The following C2CD2 variants were observed in gnomAD, a reference collection of about 807,000 sequenced individuals.
C2CD2 encodes C2 calcium dependent domain containing 2, also known as C2 domain-containing protein 2.
A neutral mutation model predicts 74.3 loss-of-function variants in C2CD2; 43 were observed. The observed-to-expected ratio is 0.58, with a 90% CI of 0.45 to 0.75. C2CD2 has a LOEUF of 0.75. Ranked by LOEUF, C2CD2 falls within the 30% of genes least tolerant of loss-of-function variation. C2CD2 has a pLI of 0.00. For synonymous variants in C2CD2, 422 were observed against 390.7 expected, an observed-to-expected ratio of 1.08 and a Z score of -0.94; for missense variants, 801 against 916.3, an observed-to-expected ratio of 0.87 and a Z score of 1.63.
intron 12 of C2CD2, chr21:41,900,938 A>G (rs963577920): frequency 2.0e-5 from 3 of 152,418 alleles, no homozygotes; most frequent in Non-Finnish European, 2.9e-5. Flanking sequence ...CTCTACCAAA[A>G]ATACAAAAAT....
At chr21:41,937,961 C>T (rs1355468262) in intron 2 of C2CD2, among the ~76,000 whole-genome samples, 3 of 152,040 alleles carry the variant, frequency 2.0e-5, no homozygotes, top group East Asian at 1.9e-4. Flanking sequence ...GAGTTGGGGA[C>T]GTCGGGGAGG....
At chr21:41,906,927 G>A in intron 10 of C2CD2, 65 bp downstream of exon 10, 1 of 1,300,472 alleles carries the variant, frequency 7.7e-7, no homozygotes, top group South Asian at 1.3e-5. Flanking sequence ...TGCAGTTGTG[G>A]GGGCAAGGTG....
At position 41,926,463 on chromosome 21, in the gene C2CD2, AG is replaced by A. The variant is rs1272391203; in HGVS notation, c.379-4379del. 8.6e-6 allele frequency: 8 copies of A among 925,532 alleles called. No homozygotes were observed. The highest frequency in any genetic ancestry group is 3.6e-5 in the African/African-American group (2 of 55,802). 57.3% of individuals were successfully genotyped at this position (925,532 alleles called of 1,614,324 possible). On this transcript the variant is annotated intron_variant, in intron 2 of 13. Coordinates refer to ENST00000380486, the MANE Select transcript of C2CD2 (RefSeq NM_015500.2). The surrounding 1 kb of genome is among the most constrained non-coding windows in gnomAD (Gnocchi z 8.0). ...GGCAGCAGATGGAAGCACCACGGGGAGGGGAAAACAAGACTGAAGGCTGAAG... is the reference window on the plus strand; with the variant it reads ...GGCAGCAGATGGAAGCACCACGGGGAGGGAAAACAAGACTGAAGGCTGAAG...
chr21:41,949,526 A>G (rs2065432667), intron 1 of C2CD2, among the ~76,000 whole-genome samples: 1 of 152,190 alleles, frequency 6.6e-6, no homozygotes, highest in South Asian at 2.1e-4. Context: ...GAGGAACTCT[A>G]TTTACACTGT....
intron 12 of C2CD2, chr21:41,901,255 G>A (rs137916427): frequency 5.8e-5 from 19 of 328,302 alleles, no homozygotes; most frequent in Non-Finnish European, 1.0e-4. Context: ...CTTTGGAAAC[G>A]TGTCACGTGG....
At chr21:41,901,811 C>G in intron 11 of C2CD2, 62 bp from the exon 12 acceptor site, 1 of 1,450,548 alleles carries the variant, frequency 6.9e-7, no homozygotes, top group South Asian at 1.1e-5. Context: ...ATGGGAACTT[C>G]CAGGGATAAT....
chr21:41,910,036 G>A (rs1025875942), intron 7 of C2CD2, among the ~76,000 whole-genome samples: 4 of 148,000 alleles, frequency 2.7e-5, no homozygotes, highest in Admixed American at 6.8e-5. Flanking sequence ...GTCTTGCTAC[G>A]TTGCCCAGGC....
Position 41,912,385 on chromosome 21 carries a change from G to A in C2CD2, c.900C>T (p.Ser300=). 2.5e-6 allele frequency: 4 copies of A among 1,612,776 alleles called. No homozygotes were observed. The highest frequency in any genetic ancestry group is 8.5e-7 in the Non-Finnish European group (1 of 1,179,806). Residue 300 remains serine (S), a synonymous_variant, in exon 7 of 14, where the codon TCC becomes TCT. Coordinates refer to ENST00000380486, the MANE Select transcript of C2CD2 (RefSeq NM_015500.2). ...CCGGAGTGTTTTTCGTCAGGGTGCT[G>A]GAGAACCTCTGAACAGGATCGTTCA... ...VQLNDPVQRF[S]STLTKNTPDL...
At chr21:41,951,688 A>G (rs1400937581) in intron 1 of C2CD2, among the ~76,000 whole-genome samples, 2 of 152,180 alleles carry the variant, frequency 1.3e-5, no homozygotes, top group African/African-American at 4.8e-5. Context: ...TCTCAGATTG[A>G]CTTGACCAGC....
At chr21:41,952,344 C>G (rs532338853) in intron 1 of C2CD2, among the ~76,000 whole-genome samples, 187 of 152,312 alleles carry the variant, frequency 1.2e-3, no homozygotes, top group African/African-American at 4.5e-3. Context: ...GCACAAGGAC[C>G]AGGCACAGGG....
rs2146210409 is a variant in C2CD2 at position 41,929,071 on chromosome 21, G to C, written c.379-6986C>G. ...TTAAAATGAGCCTGGGCAATATAGTGAGATCCCACCTCTAAAAAATATTTA... is the reference window on the plus strand; with the variant it reads ...TTAAAATGAGCCTGGGCAATATAGTCAGATCCCACCTCTAAAAAATATTTA... On this transcript the variant is annotated intron_variant, in intron 2 of 13. Transcript: ENST00000380486. This position sits in a 1 kb window ranked among gnomAD's most constrained non-coding sequence, Gnocchi z 4.6. Among the ~76,000 whole-genome samples, 1 of 151,106 alleles carries C rather than the reference G, an allele frequency of 6.6e-6. No homozygotes were observed. The highest frequency in any genetic ancestry group is 3.4e-3 in the Middle Eastern group (1 of 292).
rs1229172450 is a variant in C2CD2 at position 41,923,563 on chromosome 21, A to G, written c.379-1478T>C. On this transcript the variant is annotated intron_variant, in intron 2 of 13. Transcript: ENST00000380486. The surrounding 1 kb of genome is among the most constrained non-coding windows in gnomAD (Gnocchi z 5.8). ...GGTGGGAGTAATTGGAAAAACATAC[A>G]AAGTATCAAACAATTATAAAATTAT... Among the ~76,000 whole-genome samples, 2 of 152,252 alleles carry G rather than the reference A, an allele frequency of 1.3e-5. No homozygotes were observed. The highest frequency in any genetic ancestry group is 2.9e-5 in the Non-Finnish European group (2 of 68,040).
chr21:41,915,247 C>A (rs867934561), intron 5 of C2CD2, among the ~76,000 whole-genome samples: 9 of 152,184 alleles, frequency 5.9e-5, no homozygotes, highest in Admixed American at 2.6e-4. Flanking sequence ...TAGCACTGCA[C>A]AGGTGAGGGG....
Position 41,899,117 on chromosome 21 carries a change from G to C in C2CD2, c.1806C>G (p.Asp602Glu). 1 of 1,613,876 alleles carries C rather than the reference G, an allele frequency of 6.2e-7. No individual in the cohort carries two copies. The highest frequency in any genetic ancestry group is 8.5e-7 in the Non-Finnish European group (1 of 1,179,960). The change falls in exon 13 of 14, where the codon GAC (aspartate) becomes GAG (glutamate). Residue 602 changes from aspartate to glutamate, a missense_variant. By Grantham distance (45) the Asp-to-Glu change is conservative. Transcript: ENST00000380486. This position sits in a 1 kb window ranked among gnomAD's most constrained non-coding sequence, Gnocchi z 4.4. ...AWSSQVLLDP[D>E]GDELSESSMS... Reference sequence around the variant, plus strand: ...TGGAGCTCTCTGACAGCTCATCACCGTCGGGGTCCAGCAGGACCTGGCTGC... The same window carrying C: ...TGGAGCTCTCTGACAGCTCATCACCCTCGGGGTCCAGCAGGACCTGGCTGC...
chr21:41,903,149 C>T lies in C2CD2; in HGVS notation c.1433-1400G>A, dbSNP rs542443925. 6.6e-6 allele frequency among the ~76,000 whole-genome samples: 1 copy of T among 152,300 alleles called. No individual in the cohort carries two copies. The highest frequency in any genetic ancestry group is 1.5e-5 in the Non-Finnish European group (1 of 68,016). On this transcript the variant is annotated intron_variant, in intron 11 of 13. Transcript: ENST00000380486. The surrounding 1 kb of genome is among the most constrained non-coding windows in gnomAD (Gnocchi z 4.5). Reference sequence around the variant, plus strand: ...AGGGGCGACTCCACGGAGATCAAAGCTCCCACACTCAGGACCCTCCCAGAC... The same window carrying T: ...AGGGGCGACTCCACGGAGATCAAAGTTCCCACACTCAGGACCCTCCCAGAC...
rs1318195415 is a variant in C2CD2, at chr21:41,939,939, C to T, written c.378+2208G>A. ...TCGGGAGGCGGTGAACAGACACAAT[C>T]GCTGCAGCACTGTCTGTGCGGACTG... is the stretch of plus-strand genomic sequence containing the variant. On this transcript the variant is annotated intron_variant, in intron 2 of 13. Transcript: ENST00000380486. The surrounding 1 kb of genome is among the most constrained non-coding windows in gnomAD (Gnocchi z 5.5). Among the ~76,000 whole-genome samples the T allele has an allele frequency of 2.0e-5, 3 of 152,178 alleles. No individual in the cohort carries two copies. Among genetic ancestry groups the T allele is most frequent in the Non-Finnish European group, 4.4e-5 (3 of 68,038 alleles).
chr21:41,947,741 A>G (rs1273115812), intron 1 of C2CD2, among the ~76,000 whole-genome samples: 1 of 152,068 alleles, frequency 6.6e-6, no homozygotes, highest in African/African-American at 2.4e-5. Flanking sequence ...CCTCTAGGAG[A>G]GTGGATTTTG....
In C2CD2 at chr21:41,923,035, G is replaced by A. The variant is rs1301904533; in HGVS notation, c.379-950C>T. Among the ~76,000 whole-genome samples the A allele has an allele frequency of 6.8e-6, 1 of 146,794 alleles. No homozygotes were observed. Among genetic ancestry groups the A allele is most frequent in the Non-Finnish European group, 1.5e-5 (1 of 67,112 alleles). On this transcript the variant is annotated intron_variant, in intron 2 of 13. Transcript: ENST00000380486. The surrounding 1 kb of genome is among the most constrained non-coding windows in gnomAD (Gnocchi z 5.8). ...TTTGGAGATGGAGTTTCACTCTGTCGCCCAGGTTGGAGTGCAGTGGCACAA... is the reference window on the plus strand; with the variant it reads ...TTTGGAGATGGAGTTTCACTCTGTCACCCAGGTTGGAGTGCAGTGGCACAA...
chr21:41,929,920 C>T lies in C2CD2; in HGVS notation c.379-7835G>A, dbSNP rs2065248276. Among the ~76,000 whole-genome samples, 1 of 152,236 alleles carries T rather than the reference C, an allele frequency of 6.6e-6. No individual in the cohort carries two copies. The highest frequency in any genetic ancestry group is 6.5e-5 in the Admixed American group (1 of 15,284). On this transcript the variant is annotated intron_variant, in intron 2 of 13. Transcript: ENST00000380486. This position sits in a 1 kb window ranked among gnomAD's most constrained non-coding sequence, Gnocchi z 4.6. ...TCCAAAGCTTAGCTTAGGGGAAGAACAGGCTTCTGCCTTAAGGGTACCCCT... is the reference window on the plus strand; with the variant it reads ...TCCAAAGCTTAGCTTAGGGGAAGAATAGGCTTCTGCCTTAAGGGTACCCCT...
Sources: allele counts gnomAD v4.1 joint callset (sites outside exome capture counted in the v4.1 genomes callset), GRCh38; gene constraint gnomAD v4.1.1; non-coding constraint Gnocchi (gnomAD v3.1); transcripts MANE v1.5; gene names NCBI Gene and HGNC (gene_info 2026-07-23, HGNC 2026-07-21).